The following RNF125 variants were observed in gnomAD, a reference collection of about 807,000 sequenced individuals.
RNF125 encodes ring finger protein 125, also known as E3 ubiquitin-protein ligase RNF125.
RNF125 carries 21 observed loss-of-function variants against 26.0 expected under a neutral mutation model. That is an observed-to-expected ratio of 0.81 (90% CI 0.57 to 1.16). The LOEUF (loss-of-function observed/expected upper bound fraction) is 1.16, where lower values mean the gene tolerates loss of function less well. Among genes scored for constraint, RNF125 ranks in the 50% most tolerant of loss-of-function variants. The pLI is 0.00. For synonymous variants in RNF125, 95 were observed against 109.2 expected (o/e 0.87, Z 0.81); for missense variants, 270 against 299.4 (o/e 0.90, Z 0.72).
intron 1 of RNF125, among the ~76,000 whole-genome samples, chr18:32,030,234 G>A (rs2039079053): frequency 6.6e-6 from 1 of 151,946 alleles, no homozygotes; most frequent in African/African-American, 2.4e-5. Context: ...GTAGAGACAG[G>A]GTTTCACCAT....
chr18:32,019,263 C>T (rs1239705931), intron 1 of RNF125, among the ~76,000 whole-genome samples: 1 of 152,196 alleles, frequency 6.6e-6, no homozygotes, highest in Non-Finnish European at 1.5e-5. Flanking sequence ...CTTGCGCTTT[C>T]AGCTCCCGAA....
At chr18:32,034,635 G>A (rs1242115446) in intron 1 of RNF125, among the ~76,000 whole-genome samples, 4 of 152,078 alleles carry the variant, frequency 2.6e-5, no homozygotes, top group East Asian at 1.9e-4. Flanking sequence ...ATTACTGGCC[G>A]GGCACAGTGG....
At chr18:32,079,973 G>C in the RNF125 span, among the ~76,000 whole-genome samples, 2 of 152,148 alleles carry the variant, frequency 1.3e-5, no homozygotes, top group African/African-American at 4.8e-5. Context: ...GACTAACCTA[G>C]GTAATCACGT....
downstream of RNF125, among the ~76,000 whole-genome samples, chr18:32,077,484 C>A (rs893279920): frequency 6.6e-6 from 1 of 151,886 alleles, no homozygotes; most frequent in Non-Finnish European, 1.5e-5. Context: ...ACCTCAGCCT[C>A]CTGAGTAGCT....
At chr18:32,019,595 C>A (rs1455659370) in intron 1 of RNF125, among the ~76,000 whole-genome samples, 2 of 152,182 alleles carry the variant, frequency 1.3e-5, no homozygotes, top group East Asian at 3.9e-4. Context: ...CCACCCCCAC[C>A]CCTGCTACCC....
the RNF125 span, among the ~76,000 whole-genome samples, chr18:32,078,546 A>T: frequency 6.6e-6 from 1 of 152,056 alleles, no homozygotes; most frequent in African/African-American, 2.4e-5. Context: ...AGGCCGAGGC[A>T]TGAGGACTGT....
chr18:32,020,079 T>A (rs2038972496), intron 1 of RNF125, among the ~76,000 whole-genome samples: 1 of 151,776 alleles, frequency 6.6e-6, no homozygotes, highest in African/African-American at 2.4e-5. Flanking sequence ...TCGCCCAGGC[T>A]GGAGTGCGGT....
chr18:32,082,060 T>C, the RNF125 span, among the ~76,000 whole-genome samples: 1 of 152,148 alleles, frequency 6.6e-6, no homozygotes, highest in Non-Finnish European at 1.5e-5. Context: ...TGGGAAGGAA[T>C]GAATGGAATG....
chr18:32,028,038 C>T (rs570431938), intron 1 of RNF125, among the ~76,000 whole-genome samples: 3 of 152,092 alleles, frequency 2.0e-5, no homozygotes, highest in East Asian at 3.9e-4. Context: ...GTGGCTCACA[C>T]CTGTAATCCC....
intron 1 of RNF125, among the ~76,000 whole-genome samples, chr18:32,019,480 C>T (rs1473530700): frequency 6.6e-6 from 1 of 152,228 alleles, no homozygotes; most frequent in Non-Finnish European, 1.5e-5. Context: ...TTCCCTCTGC[C>T]CCAGAAACCC....
At chr18:32,085,700 C>CAAAAAAAAA in the RNF125 span, among the ~76,000 whole-genome samples, 4 of 62,756 alleles carry the variant, frequency 6.4e-5, no homozygotes, top group Admixed American at 2.4e-4. Flanking sequence ...AACGACTTAT[C>CAAAAAAAAA]AAAAAAAAAA....
At chr18:32,058,365 A>G (rs1372026853) in intron 4 of RNF125, among the ~76,000 whole-genome samples, 1 of 150,726 alleles carries the variant, frequency 6.6e-6, no homozygotes, top group Non-Finnish European at 1.5e-5. Context: ...TTTTTTTTTG[A>G]GAGGGAGTCT....
intron 4 of RNF125, among the ~76,000 whole-genome samples, chr18:32,065,229 G>GTTTGT (rs2039473152): frequency 6.6e-6 from 1 of 151,918 alleles, no homozygotes; most frequent in Non-Finnish European, 1.5e-5. Context: ...TGTTGTTATT[G>GTTTGT]TTTGTTTTGT....
At chr18:32,084,146 A>T in the RNF125 span, among the ~76,000 whole-genome samples, 1 of 152,188 alleles carries the variant, frequency 6.6e-6, no homozygotes, top group South Asian at 2.1e-4. Flanking sequence ...ACCTGAGGTC[A>T]GGAGTTTGAG....
intron 1 of RNF125, among the ~76,000 whole-genome samples, chr18:32,026,522 G>A (rs1434922018): frequency 1.3e-5 from 2 of 151,904 alleles, no homozygotes; most frequent in African/African-American, 4.8e-5. Context: ...TTACAGGTGT[G>A]AACCACTGTC....
At chr18:32,073,691 G>A (rs1159253400), downstream of RNF125, among the ~76,000 whole-genome samples, 3 of 152,190 alleles carry the variant, frequency 2.0e-5, no homozygotes, top group Non-Finnish European at 4.4e-5. Flanking sequence ...CATATGTCAT[G>A]AGCATATTAA....
At chr18:32,055,330 G>T (rs1015105764) in intron 4 of RNF125, among the ~76,000 whole-genome samples, 8 of 151,308 alleles carry the variant, frequency 5.3e-5, no homozygotes, top group African/African-American at 1.9e-4. Flanking sequence ...ATTAGACCAA[G>T]TTATTCTTAT....
In RNF125 at chr18:32,052,014, T is replaced by C. The variant is rs373315988; in HGVS notation, c.504+6282T>C. ...GAGTTCTATATTTTCAATGTTACCC[T>C]GGGGGCTCATTCCTTAAGGAAGGGA... On this transcript the variant is annotated intron_variant, in intron 4 of 5. Transcript: ENST00000217740. 2.0e-4 allele frequency among the ~76,000 whole-genome samples: 31 copies of C among 152,032 alleles called. No homozygotes were observed. The South Asian group carries it at 6.2e-3, about 31-fold the overall frequency.
chr18:32,074,547 TTTC>T (rs1233922424), downstream of RNF125, among the ~76,000 whole-genome samples: 1 of 152,206 alleles, frequency 6.6e-6, no homozygotes, highest in Non-Finnish European at 1.5e-5. Flanking sequence ...TTCTTTTTCT[TTTC>T]TTTTTTTTTA....
Sources: allele counts gnomAD v4.1 joint callset (sites outside exome capture counted in the v4.1 genomes callset), GRCh38; gene constraint gnomAD v4.1.1; transcripts MANE v1.5; gene names NCBI Gene and HGNC (gene_info 2026-07-23, HGNC 2026-07-21).